The following GBE1 variants were observed in gnomAD, a reference collection of about 807,000 sequenced individuals.
GBE1 encodes the protein 1,4-alpha-glucan branching enzyme 1, also known as 1,4-alpha-glucan-branching enzyme.
A neutral mutation model predicts 88.8 loss-of-function variants in GBE1; 70 were observed. The observed-to-expected ratio is 0.79, with a 90% CI of 0.65 to 0.96. The LOEUF (loss-of-function observed/expected upper bound fraction) is 0.96, where lower values mean the gene tolerates loss of function less well. Among genes scored for constraint, GBE1 ranks in the 40% least tolerant of loss-of-function variants. GBE1 has a pLI of 0.00. For synonymous variants in GBE1, 284 were observed against 300.1 expected (o/e 0.95, Z 0.56); for missense variants, 872 against 871.0 (o/e 1.00, Z -0.01).
At chr3:81,702,102 A>AGAGAGAGAGTGT (rs1468506890) in intron 2 of GBE1, among the ~76,000 whole-genome samples, 1 of 115,408 alleles carries the variant, frequency 8.7e-6, no homozygotes, top group African/African-American at 2.9e-5. Flanking sequence ...AGAGAGAGAG[A>AGAGAGAGAGTGT]GTGTGTGTGT....
chr3:81,542,212 A>C (rs1317634526), intron 12 of GBE1, among the ~76,000 whole-genome samples: 1 of 152,096 alleles, frequency 6.6e-6, no homozygotes, highest in East Asian at 1.9e-4. Flanking sequence ...ATAGGTATGC[A>C]TCTCCATGAT....
chr3:81,566,420 GC>G (rs1703495991), intron 12 of GBE1, among the ~76,000 whole-genome samples: 1 of 152,040 alleles, frequency 6.6e-6, no homozygotes, highest in South Asian at 2.1e-4. Flanking sequence ...TTAGTTATTT[GC>G]TAGTACTTTC....
chr3:81,511,464 A>C (rs983695159), intron 14 of GBE1, among the ~76,000 whole-genome samples: 7 of 151,998 alleles, frequency 4.6e-5, no homozygotes, highest in African/African-American at 1.7e-4. Flanking sequence ...TGGAATTCAT[A>C]AGGAACTTAA....
chr3:81,626,391 T>C (rs373937035), intron 7 of GBE1, among the ~76,000 whole-genome samples: 1 of 152,106 alleles, frequency 6.6e-6, no homozygotes, highest in Admixed American at 6.6e-5. Flanking sequence ...AAAAGAAAAA[T>C]AGGTAAGTTG....
chr3:81,654,356 G>A (rs1016533639), intron 3 of GBE1, among the ~76,000 whole-genome samples: 36 of 151,898 alleles, frequency 2.4e-4, no homozygotes, highest in Admixed American at 1.8e-3. Context: ...TTCATGCTTG[G>A]AATATATTTT....
intron 1 of GBE1, among the ~76,000 whole-genome samples, chr3:81,735,412 T>G (rs949799699): frequency 1.3e-5 from 2 of 152,180 alleles, no homozygotes; most frequent in African/African-American, 2.4e-5. Context: ...TTAGTCTTCC[T>G]AAATAGTCCT....
intron 1 of GBE1, among the ~76,000 whole-genome samples, chr3:81,756,155 T>G (rs1335659803): frequency 6.6e-6 from 1 of 152,208 alleles, no homozygotes; most frequent in Non-Finnish European, 1.5e-5. Context: ...AACTGACTAT[T>G]CCTTCAGAGA....
chr3:81,699,306 C>T lies in GBE1; in HGVS notation c.313+6138G>A, dbSNP rs560504590. On this transcript the variant is annotated intron_variant, in intron 2 of 15. Coordinates refer to ENST00000429644, the MANE Select transcript of GBE1 (RefSeq NM_000158.4). ...AATCTTCTCAACAATCTGTCTGGATCACTACCCTGCCAAAACAATTCTCTT... is the reference window on the plus strand; with the variant it reads ...AATCTTCTCAACAATCTGTCTGGATTACTACCCTGCCAAAACAATTCTCTT... Among the ~76,000 whole-genome samples, 6 of 152,270 alleles carry T rather than the reference C, an allele frequency of 3.9e-5. No homozygotes were observed. The East Asian group carries it at 1.2e-3, about 29-fold the overall frequency.
chr3:81,574,009 C>G (rs1270186664), intron 12 of GBE1, among the ~76,000 whole-genome samples: 2 of 152,160 alleles, frequency 1.3e-5, no homozygotes, highest in Non-Finnish European at 2.9e-5. Context: ...AAGGCTGTTT[C>G]AGCAGCATCG....
At chr3:81,661,097 G>GA (rs1705023198) in intron 3 of GBE1, among the ~76,000 whole-genome samples, 1 of 150,538 alleles carries the variant, frequency 6.6e-6, no homozygotes, top group Middle Eastern at 3.4e-3. Flanking sequence ...TAATTTAGAA[G>GA]AAAAAAGCAT....
At chr3:81,641,569 A>T (rs1447024306) in intron 7 of GBE1, among the ~76,000 whole-genome samples, 1 of 152,094 alleles carries the variant, frequency 6.6e-6, no homozygotes, top group Non-Finnish European at 1.5e-5. Context: ...GCCTGAGAAT[A>T]AGAATGATTA....
At chr3:81,715,959 TCTG>T (rs1200197399) in intron 1 of GBE1, among the ~76,000 whole-genome samples, 2 of 152,210 alleles carry the variant, frequency 1.3e-5, no homozygotes, top group African/African-American at 4.8e-5. Flanking sequence ...CTGGAATTGC[TCTG>T]CTATGCTAAT....
Position 81,750,645 on chromosome 3 carries a change from GTATATATATA to G in GBE1, c.143+10720_143+10729del, listed in dbSNP as rs557781058. On this transcript the variant is annotated intron_variant, in intron 1 of 15. Coordinates refer to ENST00000429644, the MANE Select transcript of GBE1 (RefSeq NM_000158.4). ...TATATATATACGTATATATATATAT[GTATATATATA>G]TATGTATATATATATATACGTATAT... Among the ~76,000 whole-genome samples, 38 of 47,714 alleles carry G rather than the reference GTATATATATA, an allele frequency of 8.0e-4. 2 individuals are homozygous for G. Among genetic ancestry groups the G allele is most frequent in the East Asian group, 5.6e-3 (3 of 536 alleles). The allele number at this position is 47,714 out of a possible 152,430, so 31.3% of individuals were successfully genotyped here.
intron 7 of GBE1, among the ~76,000 whole-genome samples, chr3:81,630,544 G>C (rs903878616): frequency 2.6e-5 from 4 of 152,146 alleles, no homozygotes; most frequent in African/African-American, 9.7e-5. Context: ...CTGGCACCCA[G>C]TTCCATTACT....
At chr3:81,508,617 T>G (rs991283991) in intron 14 of GBE1, among the ~76,000 whole-genome samples, 3 of 152,034 alleles carry the variant, frequency 2.0e-5, no homozygotes, top group East Asian at 3.9e-4. Context: ...CCAAACAAAC[T>G]TACTCTGGGA....
At chr3:81,726,135 TTA>T (rs1163403551) in intron 1 of GBE1, among the ~76,000 whole-genome samples, 1 of 152,158 alleles carries the variant, frequency 6.6e-6, no homozygotes, top group Non-Finnish European at 1.5e-5. Context: ...TAAAATTCAA[TTA>T]TATGTATTTT....
At chr3:81,674,916 T>C (rs1055182446) in intron 2 of GBE1, among the ~76,000 whole-genome samples, 13 of 151,978 alleles carry the variant, frequency 8.6e-5, no homozygotes, top group African/African-American at 3.1e-4. Context: ...CTACCAAGCA[T>C]AGAACTACAC....
chr3:81,705,515 C>T lies in GBE1; in HGVS notation c.242G>A (p.Cys81Tyr). 3 of 1,603,376 alleles carry T rather than the reference C, an allele frequency of 1.9e-6. No homozygotes were observed. Among genetic ancestry groups the T allele is most frequent in the Non-Finnish European group, 2.6e-6 (3 of 1,174,644 alleles). ...RGYESFGVHRCADGGLYCKEW... is the reference protein window; with the variant it reads ...RGYESFGVHRYADGGLYCKEW... ...TTTGCAGTATAAACCACCATCAGCA[C>T]ATCTGTGGACGCCAAATGATTCATA... The change falls in exon 2 of 16, where the codon TGT (cysteine) becomes TAT (tyrosine). Residue 81 changes from cysteine (C) to tyrosine (Y), a missense_variant. Coordinates refer to ENST00000429644, the MANE Select transcript of GBE1 (RefSeq NM_000158.4).
chr3:81,608,195 T>C (rs906328473), intron 7 of GBE1, among the ~76,000 whole-genome samples: 5 of 152,198 alleles, frequency 3.3e-5, no homozygotes, highest in Admixed American at 1.3e-4. Flanking sequence ...AAACCACTGA[T>C]TTCCAATAAG....
Sources: allele counts gnomAD v4.1 joint callset (sites outside exome capture counted in the v4.1 genomes callset), GRCh38; gene constraint gnomAD v4.1.1; transcripts MANE v1.5; gene names NCBI Gene and HGNC (gene_info 2026-07-23, HGNC 2026-07-21).